GTF2E2: variants seen among roughly 807,000 people sequenced by gnomAD.
GTF2E2 encodes general transcription factor IIE subunit 2.
In GTF2E2, 21 loss-of-function variants were observed where a neutral mutation model predicts 40.5. The ratio of observed to expected loss-of-function variants is 0.52; its 90% CI spans 0.37 to 0.75. The LOEUF (loss-of-function observed/expected upper bound fraction) is 0.75. Ranked by LOEUF, GTF2E2 falls within the 30% of genes least tolerant of loss-of-function variation. GTF2E2 has a pLI of 0.00. For synonymous variants in GTF2E2, 117 were observed against 121.6 expected (o/e 0.96, Z 0.25); for missense variants, 298 against 338.4 (o/e 0.88, Z 0.94).
chr8:30,653,399 TA>T, intron 2 of GTF2E2, 33 bp downstream of exon 2: 1 of 1,561,416 alleles, frequency 6.4e-7, no homozygotes, highest in Non-Finnish European at 8.8e-7. Flanking sequence ...ATAATCTGAA[TA>T]AAAACCAAAC....
At chr8:30,617,954 T>C (rs1417509382) in intron 3 of GTF2E2, among the ~76,000 whole-genome samples, 1 of 152,172 alleles carries the variant, frequency 6.6e-6, no homozygotes, top group East Asian at 1.9e-4. Flanking sequence ...TACCTCGTGA[T>C]GATTCTTTAG....
At chr8:30,611,234 G>A (rs1009718371) in intron 5 of GTF2E2, among the ~76,000 whole-genome samples, 10 of 152,078 alleles carry the variant, frequency 6.6e-5, no homozygotes, top group Admixed American at 3.9e-4. Flanking sequence ...ACTCTTGGGA[G>A]GAATGTAACA....
intron 6 of GTF2E2, among the ~76,000 whole-genome samples, chr8:30,595,068 T>A (rs1828961702): frequency 6.6e-6 from 1 of 152,214 alleles, no homozygotes; most frequent in African/African-American, 2.4e-5. Context: ...TTTGTATGAT[T>A]CCATTTTATC....
rs187731366 is a variant in GTF2E2 at position 30,640,137 on chromosome 8, C to T, written c.167-5014G>A. Among the ~76,000 whole-genome samples, 134 of 152,212 alleles carry T rather than the reference C, an allele frequency of 8.8e-4. 2 individuals are homozygous for T. Among genetic ancestry groups the T allele is most frequent in the Admixed American group, 8.4e-3 (129 of 15,274 alleles). On this transcript the variant is annotated intron_variant, in intron 2 of 7. Coordinates refer to ENST00000355904, the MANE Select transcript of GTF2E2 (RefSeq NM_002095.6). Reference sequence around the variant, plus strand: ...AGATGGAGGCTCATTGCTGTTTCACCAAACTGACTGGAGACATGGCCTAAG... The same window carrying T: ...AGATGGAGGCTCATTGCTGTTTCACTAAACTGACTGGAGACATGGCCTAAG...
Position 30,635,203 on chromosome 8 carries a change from G to A in GTF2E2, c.167-80C>T, listed in dbSNP as rs925864647. ...AGCAGCTAAAATAATTTTAATGCTG[G>A]TAACATATTTCTTGAGTTTTTCATC... On this transcript the variant is annotated intron_variant, in intron 2 of 7. Transcript: ENST00000355904. 16 of 763,566 alleles carry A rather than the reference G, an allele frequency of 2.1e-5. 1 individual carries two copies. The Admixed American group carries it at 3.1e-4, about 15-fold the overall frequency. The allele number at this position is 763,566 out of a possible 1,614,324, so 47.3% of individuals were successfully genotyped here.
chr8:30,656,212 C>A (rs1234398024), intron 1 of GTF2E2, among the ~76,000 whole-genome samples: 1 of 152,160 alleles, frequency 6.6e-6, no homozygotes, highest in South Asian at 2.1e-4. Flanking sequence ...CTGTCCACAT[C>A]CAGCCCAATT....
intron 2 of GTF2E2, chr8:30,643,858 G>A (rs972938812): frequency 2.6e-5 from 4 of 150,974 alleles, no homozygotes; most frequent in East Asian, 3.9e-4. Flanking sequence ...TGTAGTTTTC[G>A]TTAAATGAAA....
intron 3 of GTF2E2, among the ~76,000 whole-genome samples, chr8:30,622,094 G>A (rs1432111034): frequency 6.6e-6 from 1 of 150,516 alleles, no homozygotes; most frequent in Non-Finnish European, 1.5e-5. Flanking sequence ...CTTTACATTA[G>A]GTATATCTCC....
At chr8:30,625,369 T>C (rs1801240817) in intron 3 of GTF2E2, among the ~76,000 whole-genome samples, 1 of 152,120 alleles carries the variant, frequency 6.6e-6, no homozygotes, top group Admixed American at 6.5e-5. Flanking sequence ...ATCTAGGTTT[T>C]CACAGTTACC....
rs1036128876 is a variant in GTF2E2 at position 30,647,441 on chromosome 8, G to C, written c.166+5992C>G. Among the ~76,000 whole-genome samples the C allele has an allele frequency of 2.0e-5, 3 of 152,112 alleles. No individual in the cohort carries two copies. In the South Asian group the frequency reaches 6.2e-4, roughly 31 times the overall value. On this transcript the variant is annotated intron_variant, in intron 2 of 7. Transcript: ENST00000355904. ...ACTAAAAATACAAAAAAATTAGCCA[G>C]ACATGGGAATGGGGCCCCTGTAATC...
intron 2 of GTF2E2, among the ~76,000 whole-genome samples, chr8:30,640,710 AT>A (rs1801785631): frequency 6.6e-6 from 1 of 152,074 alleles, no homozygotes; most frequent in African/African-American, 2.4e-5. Flanking sequence ...ATGTATTTCT[AT>A]TTTTTGGCGG....
chr8:30,648,157 A>T (rs1802159573), intron 2 of GTF2E2, among the ~76,000 whole-genome samples: 1 of 152,204 alleles, frequency 6.6e-6, no homozygotes, highest in Non-Finnish European at 1.5e-5. Context: ...AAATAATACG[A>T]ATAAAAGCCA....
At chr8:30,607,183 T>C in intron 5 of GTF2E2, 33 bp from the exon 6 acceptor site, 1 of 812,448 alleles carries the variant, frequency 1.2e-6, no homozygotes, top group South Asian at 1.8e-5. Context: ...ATTTTTCAGT[T>C]AACTCCAAAT....
intron 2 of GTF2E2, among the ~76,000 whole-genome samples, chr8:30,642,422 A>G (rs1801878779): frequency 6.6e-6 from 1 of 152,184 alleles, no homozygotes; most frequent in Non-Finnish European, 1.5e-5. Flanking sequence ...TAAGAGAGCC[A>G]AGAATAAGGA....
intron 7 of GTF2E2, 39 bp downstream of exon 7, chr8:30,580,242 A>T (rs1181455411): frequency 8.1e-6 from 9 of 1,108,212 alleles, no homozygotes; most frequent in Non-Finnish European, 1.3e-5. Context: ...AACAGTTCCC[A>T]GGGCAGGGGA....
chr8:30,598,743 C>A (rs1306533417), intron 6 of GTF2E2, among the ~76,000 whole-genome samples: 9 of 152,188 alleles, frequency 5.9e-5, no homozygotes, highest in Admixed American at 5.2e-4. Flanking sequence ...TACAATCTCA[C>A]AGAATCTCAA....
chr8:30,642,599 CATT>C (rs779558746), intron 2 of GTF2E2, among the ~76,000 whole-genome samples: 5 of 152,188 alleles, frequency 3.3e-5, no homozygotes, highest in Non-Finnish European at 7.4e-5. Flanking sequence ...TCCACACCAT[CATT>C]GTGATTAATT....
chr8:30,612,552 A>C, intron 4 of GTF2E2, 71 bp from the exon 5 acceptor site: 1 of 915,146 alleles, frequency 1.1e-6, no homozygotes, highest in Non-Finnish European at 1.6e-6. Flanking sequence ...TTTGAAACGT[A>C]ATCTTGCTCT....
intron 7 of GTF2E2, 57 bp downstream of exon 7, chr8:30,580,224 A>T: frequency 1.1e-6 from 1 of 939,456 alleles, no homozygotes; most frequent in South Asian, 1.4e-5. Context: ...CAGAAAGCGG[A>T]GCAGGCTAAC....
Sources: gnomAD v4.1 joint callset for allele counts (sites outside exome capture counted in the v4.1 genomes callset) on GRCh38, gnomAD v4.1.1 for gene constraint, MANE v1.5 for transcripts, NCBI Gene and HGNC (gene_info 2026-07-23, HGNC 2026-07-21) for gene names.